The following UBE3A variants were observed in gnomAD, a reference collection of about 807,000 sequenced individuals.
UBE3A encodes ubiquitin-protein ligase E3A.
UBE3A carries 6 observed loss-of-function variants against 83.4 expected under a neutral mutation model. The ratio of observed to expected loss-of-function variants is 0.07; its 90% CI spans 0.04 to 0.14. UBE3A has a LOEUF of 0.14. Ranked by LOEUF, UBE3A falls within the 10% of genes least tolerant of loss-of-function variation. The pLI, the probability that UBE3A is intolerant of heterozygous loss-of-function variation, is 1.00. For missense variants in UBE3A, 456 were observed against 1,036.1 expected (o/e 0.44, Z 7.69); for synonymous variants, 337 against 355.4 (o/e 0.95, Z 0.58).
intron 1 of UBE3A, among the ~76,000 whole-genome samples, chr15:25,428,691 G>A (rs1892146342): frequency 6.6e-6 from 1 of 152,102 alleles, no homozygotes; most frequent in Non-Finnish European, 1.5e-5. Flanking sequence ...TCAAGCAACT[G>A]TAAATTAAAA....
chr15:25,368,735 T>C (rs1288722634), intron 6 of UBE3A, among the ~76,000 whole-genome samples: 3 of 152,160 alleles, frequency 2.0e-5, no homozygotes, highest in Admixed American at 6.5e-5. Flanking sequence ...AGCAGTTGTT[T>C]CCTTAAAATT....
In UBE3A at chr15:25,335,521, G is replaced by T. The variant is rs2152497231; in HGVS notation, c.*3616C>A. The T allele has an allele frequency of 6.6e-6, 1 of 152,230 alleles. No homozygotes were observed. Among genetic ancestry groups the T allele is most frequent in the African/African-American group, 2.4e-5 (1 of 41,526 alleles). 9.4% of individuals were successfully genotyped at this position (152,230 alleles called of 1,614,324 possible). A position where few individuals can be genotyped will look rare whatever the true frequency, so the allele number is the denominator to read the frequency against. On this transcript the variant is annotated 3_prime_UTR_variant, in exon 13 of 13. Transcript: ENST00000648336. ...GAGTCAGAGGATCAGGACCTGTAAG[G>T]GCAGTATAAAGAAGGAAGGAATGAT...
At chr15:25,343,896 G>A (rs192414693) in intron 11 of UBE3A, among the ~76,000 whole-genome samples, 1 of 152,224 alleles carries the variant, frequency 6.6e-6, no homozygotes, top group East Asian at 1.9e-4. Flanking sequence ...CTCAAAAATT[G>A]TAACTATAGT....
At chr15:25,419,276 AACTT>A (rs1330519691) in intron 1 of UBE3A, 1 of 152,200 alleles carries the variant, frequency 6.6e-6, no homozygotes, top group Non-Finnish European at 1.5e-5. Context: ...TAACAACTGC[AACTT>A]ACTTTGAAAA....
chr15:25,387,804 T>C (rs1463543627), intron 4 of UBE3A, among the ~76,000 whole-genome samples: 1 of 152,140 alleles, frequency 6.6e-6, no homozygotes, highest in African/African-American at 2.4e-5. Context: ...ACAGATCTCA[T>C]GGACATTAAA....
chr15:25,365,596 A>G (rs2078952504), intron 6 of UBE3A, among the ~76,000 whole-genome samples: 1 of 151,666 alleles, frequency 6.6e-6, no homozygotes, highest in African/African-American at 2.4e-5. Flanking sequence ...AAATACAAAA[A>G]AATTAGCTGG....
chr15:25,379,375 A>G (rs553218519), intron 4 of UBE3A, among the ~76,000 whole-genome samples: 1 of 152,280 alleles, frequency 6.6e-6, no homozygotes, highest in Admixed American at 6.5e-5. Flanking sequence ...GAACTCAGCT[A>G]CTAAACTTGA....
At chr15:25,361,175 G>A (rs1380865323) in intron 6 of UBE3A, among the ~76,000 whole-genome samples, 1 of 148,982 alleles carries the variant, frequency 6.7e-6, no homozygotes, top group Non-Finnish European at 1.5e-5. Context: ...GCCTAGGCTG[G>A]AGTGCAGTGG....
intron 6 of UBE3A, among the ~76,000 whole-genome samples, chr15:25,363,975 T>C (rs1018950726): frequency 2.0e-5 from 3 of 151,772 alleles, no homozygotes; most frequent in African/African-American, 7.3e-5. Flanking sequence ...GCAGATTGCC[T>C]GAGCCCAGCA....
At chr15:25,394,882 T>C (rs1167835893) in intron 4 of UBE3A, among the ~76,000 whole-genome samples, 1 of 152,198 alleles carries the variant, frequency 6.6e-6, no homozygotes. Context: ...CCAGGCACTG[T>C]CATTAGGCTT....
intron 7 of UBE3A, 36 bp downstream of exon 7, chr15:25,360,347 G>T (rs753682159): frequency 6.2e-7 from 1 of 1,611,876 alleles, no homozygotes; most frequent in Non-Finnish European, 8.5e-7. Flanking sequence ...CTCAAAAGAT[G>T]ATACGACACC....
intron 1 of UBE3A, among the ~76,000 whole-genome samples, chr15:25,432,732 T>A (rs1893839118): frequency 1.3e-5 from 2 of 152,212 alleles, no homozygotes. Flanking sequence ...AGCATTAGAC[T>A]CTACACTGTC....
chr15:25,361,668 C>T (rs1314049690), intron 6 of UBE3A, among the ~76,000 whole-genome samples: 1 of 152,104 alleles, frequency 6.6e-6, no homozygotes, highest in South Asian at 2.1e-4. Flanking sequence ...GATACTGTAT[C>T]TAGTACATGG....
At chr15:25,399,785 C>T (rs867973758) in intron 4 of UBE3A, among the ~76,000 whole-genome samples, 3 of 151,854 alleles carry the variant, frequency 2.0e-5, no homozygotes, top group South Asian at 2.1e-4. Flanking sequence ...ACTATGTTGC[C>T]CAGGCTGCTC....
chr15:25,425,582 A>G (rs1271473148), intron 1 of UBE3A, among the ~76,000 whole-genome samples: 2 of 152,074 alleles, frequency 1.3e-5, no homozygotes, highest in Non-Finnish European at 2.9e-5. Context: ...TTTATATTTG[A>G]TTGGTAATTT....
intron 3 of UBE3A, chr15:25,407,308 C>A: frequency 5.0e-6 from 5 of 1,005,088 alleles, no homozygotes; most frequent in Non-Finnish European, 4.8e-6. Flanking sequence ...ACGTAGGCAG[C>A]AAAACTTTCA....
chr15:25,403,650 C>T (rs12148726), intron 4 of UBE3A, among the ~76,000 whole-genome samples: 94,684 of 152,064 alleles, frequency 0.62, 32,919 homozygotes, highest in Non-Finnish European at 0.78. Flanking sequence ...TATTTGTACA[C>T]TCCTGTTCAT....
intron 9 of UBE3A, among the ~76,000 whole-genome samples, chr15:25,354,933 A>G (rs1022626783): frequency 1.3e-5 from 2 of 151,638 alleles, no homozygotes; most frequent in African/African-American, 4.9e-5. Context: ...ACCTACAAAG[A>G]AAACTACTTC....
chr15:25,400,254 T>G (rs550838134), intron 4 of UBE3A, among the ~76,000 whole-genome samples: 1 of 152,344 alleles, frequency 6.6e-6, no homozygotes, highest in South Asian at 2.1e-4. Context: ...CATCCCTCGG[T>G]ATCTGCAGGA....
Sources: gnomAD v4.1 joint callset for allele counts (sites outside exome capture counted in the v4.1 genomes callset) on GRCh38, gnomAD v4.1.1 for gene constraint, MANE v1.5 for transcripts, NCBI Gene and HGNC (gene_info 2026-07-23, HGNC 2026-07-21) for gene names.